Variants in POT1 observed in about 807,000 individuals in gnomAD.
POT1 encodes protection of telomeres protein 1.
Under a neutral mutation model 78.5 loss-of-function variants are expected in POT1, and 47 were observed. The ratio of observed to expected loss-of-function variants is 0.60; its 90% CI spans 0.47 to 0.76. The LOEUF is 0.76. POT1 is among the 30% of genes least tolerant of loss of function. The pLI is 0.00. For missense variants in POT1, 646 were observed against 749.9 expected (o/e 0.86, Z 1.62); for synonymous variants, 259 against 260.7 (o/e 0.99, Z 0.06).
chr7:124,843,141 T>C (rs894162688), intron 12 of POT1, 178 bp from the exon 13 acceptor site: 4 of 430,078 alleles, frequency 9.3e-6, no homozygotes, highest in African/African-American at 2.0e-5. Flanking sequence ...ACTAGCATAG[T>C]GCCAGGCACA....
chr7:124,840,878 G>A (rs931149769), intron 14 of POT1, 95 bp downstream of exon 14: 54 of 955,174 alleles, frequency 5.7e-5, no homozygotes, highest in Non-Finnish European at 8.4e-5. Context: ...TACTTTATAT[G>A]TACTAGGTTG....
At chr7:124,876,743 C>A (rs544568535) in intron 6 of POT1, among the ~76,000 whole-genome samples, 9 of 112,028 alleles carry the variant, frequency 8.0e-5, no homozygotes, top group African/African-American at 3.2e-4. Flanking sequence ...AACTGCAGCA[C>A]TTGTGCACTT....
chr7:124,852,157 C>G (rs993504986), intron 10 of POT1, among the ~76,000 whole-genome samples: 1 of 151,962 alleles, frequency 6.6e-6, no homozygotes, highest in Non-Finnish European at 1.5e-5. Flanking sequence ...ACAAGTGAAA[C>G]AGCAGAATGA....
At chr7:124,871,839 A>C (rs1323696588) in intron 6 of POT1, among the ~76,000 whole-genome samples, 1 of 152,024 alleles carries the variant, frequency 6.6e-6, no homozygotes, top group Non-Finnish European at 1.5e-5. Context: ...AATCTAGCTA[A>C]TGAAAATACA....
At chr7:124,828,811 A>G in intron 16 of POT1, 1 of 467,694 alleles carries the variant, frequency 2.1e-6, no homozygotes, top group Non-Finnish European at 4.3e-6. Flanking sequence ...TGGCTGTATC[A>G]AAAAGGAAAG....
intron 14 of POT1, among the ~76,000 whole-genome samples, chr7:124,839,992 A>C (rs1794987800): frequency 7.2e-6 from 1 of 138,594 alleles, no homozygotes; most frequent in South Asian, 2.4e-4. Flanking sequence ...TCTTTTTAAG[A>C]CTTCATTTTT....
chr7:124,829,374 T>C (rs1485637244), intron 15 of POT1, 32 bp from the exon 16 acceptor site: 1 of 1,355,360 alleles, frequency 7.4e-7, no homozygotes, highest in African/African-American at 1.5e-5. Flanking sequence ...ACCATAAATA[T>C]TTAAAAATAA....
In POT1 at chr7:124,828,267, T is replaced by C. The variant is rs958798850; in HGVS notation, c.1595-962A>G. 2.0e-5 allele frequency among the ~76,000 whole-genome samples: 3 copies of C among 152,168 alleles called. 1 individual carries two copies. The highest frequency in any genetic ancestry group is 4.1e-4 in the South Asian group (2 of 4,828). On this transcript the variant is annotated intron_variant, in intron 16 of 18. Transcript: ENST00000357628. The stretch of plus-strand genomic sequence containing the variant: ...TTTAAAAAAGAAAAAAGGGATATCA[T>C]CTGGTTGAATGGACAAGAATGTCAG...
At chr7:124,917,335 C>A (rs138287186) in intron 2 of POT1, among the ~76,000 whole-genome samples, 3 of 152,204 alleles carry the variant, frequency 2.0e-5, no homozygotes, top group Non-Finnish European at 4.4e-5. Flanking sequence ...ATGGGGAAGA[C>A]AAGAGAAAAA....
intron 11 of POT1, among the ~76,000 whole-genome samples, chr7:124,850,982 C>T (rs1006998221): frequency 7.3e-5 from 11 of 150,192 alleles, no homozygotes; most frequent in African/African-American, 2.7e-4. Flanking sequence ...GAAATTAAGA[C>T]AGGCCAGGTG....
intron 7 of POT1, among the ~76,000 whole-genome samples, chr7:124,868,083 T>C (rs1414990183): frequency 6.6e-6 from 1 of 152,224 alleles, no homozygotes; most frequent in Non-Finnish European, 1.5e-5. Flanking sequence ...AGAGTAGATC[T>C]TGACTCTTGT....
intron 3 of POT1, among the ~76,000 whole-genome samples, chr7:124,905,422 A>G (rs1178851527): frequency 6.6e-6 from 1 of 152,220 alleles, no homozygotes; most frequent in Admixed American, 6.5e-5. Flanking sequence ...AAAACTGGCT[A>G]GCCATGTGTA....
intron 6 of POT1, among the ~76,000 whole-genome samples, chr7:124,885,421 A>C (rs1171515742): frequency 1.3e-5 from 2 of 151,568 alleles, no homozygotes; most frequent in African/African-American, 4.9e-5. Context: ...GAGGTGAGCT[A>C]TGATCTCGGC....
chr7:124,911,337 T>C (rs1393148656), intron 3 of POT1, among the ~76,000 whole-genome samples: 2 of 152,126 alleles, frequency 1.3e-5, no homozygotes. Context: ...TGATTGTGTG[T>C]ATGTGCACTC....
In POT1 at chr7:124,868,964, T is replaced by C. The variant is rs1427272615; in HGVS notation, c.255+1947A>G. Among the ~76,000 whole-genome samples the C allele has an allele frequency of 2.6e-5, 4 of 151,984 alleles. No individual in the cohort carries two copies. In the East Asian group the frequency reaches 5.8e-4, roughly 22 times the overall value. Reference sequence around the variant, plus strand: ...ATTGAACTGAATGGTAATGAAGTTATGACAAATTAAAAACTGCTGGATACA... The same window carrying C: ...ATTGAACTGAATGGTAATGAAGTTACGACAAATTAAAAACTGCTGGATACA... On this transcript the variant is annotated intron_variant, in intron 7 of 18. Transcript: ENST00000357628.
chr7:124,887,952 A>T (rs1404757936), intron 6 of POT1, among the ~76,000 whole-genome samples: 1 of 152,134 alleles, frequency 6.6e-6, no homozygotes, highest in Non-Finnish European at 1.5e-5. Flanking sequence ...AGCAATTAAT[A>T]GGTTATACAT....
intron 6 of POT1, 42 bp downstream of exon 6, chr7:124,892,224 T>C (rs777608017): frequency 4.2e-6 from 5 of 1,202,062 alleles, no homozygotes; most frequent in South Asian, 2.8e-5. Flanking sequence ...AAATCAATAA[T>C]GCATTTCCAC....
chr7:124,863,717 C>T lies in POT1; in HGVS notation c.256-77G>A, dbSNP rs1038470640. ...ATGCACAACCTACGAACCAAAGAAA[C>T]TGGAAAGATTATCAATTTTGCCAGC... On this transcript the variant is annotated intron_variant, in intron 7 of 18. Coordinates refer to ENST00000357628, the MANE Select transcript of POT1 (RefSeq NM_015450.3). 1.8e-4 allele frequency: 208 copies of T among 1,148,634 alleles called. 1 individual carries two copies. The highest frequency in any genetic ancestry group is 2.5e-4 in the Non-Finnish European group (198 of 802,656). 71.2% of individuals were successfully genotyped at this position (1,148,634 alleles called of 1,614,324 possible).
intron 6 of POT1, among the ~76,000 whole-genome samples, chr7:124,871,312 C>G (rs1795862172): frequency 1.3e-5 from 2 of 152,058 alleles, no homozygotes; most frequent in South Asian, 4.1e-4. Context: ...ATAACCTTTT[C>G]TATTGCTTCA....
Sources: allele counts gnomAD v4.1 joint callset (sites outside exome capture counted in the v4.1 genomes callset), GRCh38; gene constraint gnomAD v4.1.1; transcripts MANE v1.5; gene names NCBI Gene and HGNC (gene_info 2026-07-23, HGNC 2026-07-21).